Variants in IQCH observed in about 807,000 individuals in gnomAD.
IQCH encodes the protein IQ motif containing H.
IQCH carries 98 observed loss-of-function variants against 117.0 expected under a neutral mutation model. The observed-to-expected ratio is 0.84, with a 90% CI of 0.71 to 0.99. The LOEUF (loss-of-function observed/expected upper bound fraction) is 0.99, where lower values mean the gene tolerates loss of function less well. Among genes scored for constraint, IQCH ranks in the 50% least tolerant of loss-of-function variants. The pLI is 0.00. For synonymous variants in IQCH, 412 were observed against 448.2 expected (o/e 0.92, Z 1.02); for missense variants, 1,102 against 1,243.8 (o/e 0.89, Z 1.72).
chr15:67,416,936 A>T lies in IQCH; in HGVS notation c.2103A>T (p.Pro701=). The change falls in exon 15 of 21, where the codon CCA becomes CCT. Residue 701 remains proline (P), a synonymous_variant. Coordinates refer to ENST00000335894, the MANE Select transcript of IQCH (RefSeq NM_001031715.3). The surrounding 1 kb of genome is among the most constrained non-coding windows in gnomAD (Gnocchi z 5.1). Reference sequence around the variant, plus strand: ...TATTTAATTTGTTTCTGCAGGAGCCAGCTTTGGTGAAGATCTCTGAGGAGC... The same window carrying T: ...TATTTAATTTGTTTCTGCAGGAGCCTGCTTTGGTGAAGATCTCTGAGGAGC... ...EDWRKKWAQE[P]ALVKISEELA... is the part of the protein sequence containing the mutation. 6.3e-7 allele frequency: 1 copy of T among 1,591,726 alleles called. No homozygotes were observed. The highest frequency in any genetic ancestry group is 8.5e-7 in the Non-Finnish European group (1 of 1,170,038).
intron 4 of IQCH, among the ~76,000 whole-genome samples, chr15:67,316,599 G>A (rs1377295204): frequency 6.6e-6 from 1 of 152,012 alleles, no homozygotes; most frequent in African/African-American, 2.4e-5. Context: ...CATTTCTGAG[G>A]GCTTCTCTGA....
chr15:67,402,166 T>G (rs1470290211), intron 14 of IQCH, among the ~76,000 whole-genome samples: 1 of 152,220 alleles, frequency 6.6e-6, no homozygotes, highest in African/African-American at 2.4e-5. Context: ...CCAAATACAT[T>G]TGGCACTGTT....
chr15:67,423,852 TA>T (rs10560261), intron 16 of IQCH, among the ~76,000 whole-genome samples: 99,075 of 137,838 alleles, frequency 0.72, 35,801 homozygotes, highest in African/African-American at 0.77. Flanking sequence ...AGATTTCATC[TA>T]AAAAAAAAAA....
chr15:67,412,471 G>A (rs1056166721), intron 14 of IQCH, among the ~76,000 whole-genome samples: 1 of 151,946 alleles, frequency 6.6e-6, no homozygotes, highest in African/African-American at 2.4e-5. Context: ...GTGCAATGAC[G>A]CTATCTCAAT....
chr15:67,270,008 G>A (rs1405433454), intron 3 of IQCH, among the ~76,000 whole-genome samples: 1 of 152,120 alleles, frequency 6.6e-6, no homozygotes, highest in East Asian at 1.9e-4. Flanking sequence ...CCCAGTAGTG[G>A]GATGGCTGGG....
At chr15:67,415,661 A>G (rs1191790277) in intron 14 of IQCH, among the ~76,000 whole-genome samples, 1 of 152,170 alleles carries the variant, frequency 6.6e-6, no homozygotes, top group East Asian at 1.9e-4. Flanking sequence ...GAAATTGGAA[A>G]TAAGTGTGTG....
At chr15:67,269,429 G>C (rs1387941510) in intron 3 of IQCH, among the ~76,000 whole-genome samples, 1 of 152,130 alleles carries the variant, frequency 6.6e-6, no homozygotes, top group African/African-American at 2.4e-5. Flanking sequence ...AATGTGTAAA[G>C]ATCAAATCAA....
chr15:67,348,692 C>A (rs1305569186), intron 6 of IQCH, among the ~76,000 whole-genome samples: 3 of 152,094 alleles, frequency 2.0e-5, no homozygotes, highest in Admixed American at 2.0e-4. Flanking sequence ...TAATTTTCCC[C>A]AAATTGATCT....
At chr15:67,396,416 G>A (rs764418741) in intron 13 of IQCH, among the ~76,000 whole-genome samples, 10 of 152,302 alleles carry the variant, frequency 6.6e-5, no homozygotes, top group Non-Finnish European at 1.2e-4. Context: ...GTCTGTTTTC[G>A]TTTTGCCTTG....
chr15:67,425,914 T>C lies in IQCH; in HGVS notation c.2505+4337T>C, dbSNP rs531592682. Among the ~76,000 whole-genome samples the C allele has an allele frequency of 2.0e-4, 31 of 152,354 alleles. No homozygotes were observed. Among genetic ancestry groups the C allele is most frequent in the African/African-American group, 7.5e-4 (31 of 41,588 alleles). ...ATGTCAGTATGAAGTCATGGGTTTCTATTTTATTTAATGGGTTGTATTTTG... is the reference window on the plus strand; with the variant it reads ...ATGTCAGTATGAAGTCATGGGTTTCCATTTTATTTAATGGGTTGTATTTTG... On this transcript the variant is annotated intron_variant, in intron 16 of 20. Transcript: ENST00000335894. This position sits in a 1 kb window ranked among gnomAD's most constrained non-coding sequence, Gnocchi z 5.5.
rs749500985 is a variant in IQCH, at chr15:67,356,831, G to A, written c.638-514G>A. On this transcript the variant is annotated intron_variant, in intron 6 of 20. Coordinates refer to ENST00000335894, the MANE Select transcript of IQCH (RefSeq NM_001031715.3). The surrounding 1 kb of genome is among the most constrained non-coding windows in gnomAD (Gnocchi z 5.3). Reference sequence around the variant, plus strand: ...CATGGGCTAGGTGTGTTCTCTAAAAGTTGTTGCTTATAGACTTAACTAATT... The same window carrying A: ...CATGGGCTAGGTGTGTTCTCTAAAAATTGTTGCTTATAGACTTAACTAATT... 2.0e-5 allele frequency among the ~76,000 whole-genome samples: 3 copies of A among 152,138 alleles called. No homozygotes were observed. Among genetic ancestry groups the A allele is most frequent in the Non-Finnish European group, 4.4e-5 (3 of 68,036 alleles).
Position 67,384,769 on chromosome 15 carries a change from C to T in IQCH, c.1373-167C>T, listed in dbSNP as rs370430286. 1.7e-3 allele frequency among the ~76,000 whole-genome samples: 257 copies of T among 151,864 alleles called. 9 individuals carry two copies. The South Asian group carries it at 0.052, about 31-fold the overall frequency. ...CATCTTCCAGAATAATGTTTAATTC[C>T]CCCGAGAAACAAGCACCTCATTCTT... On this transcript the variant is annotated intron_variant, in intron 10 of 20. Transcript: ENST00000335894. This position sits in a 1 kb window ranked among gnomAD's most constrained non-coding sequence, Gnocchi z 4.3.
chr15:67,354,103 A>G (rs574495217), intron 6 of IQCH, among the ~76,000 whole-genome samples: 1 of 152,320 alleles, frequency 6.6e-6, no homozygotes, highest in East Asian at 1.9e-4. Context: ...AAAAGAGGAA[A>G]AGCTTATCAA....
At chr15:67,299,609 A>C (rs1199766049) in intron 4 of IQCH, among the ~76,000 whole-genome samples, 1 of 152,156 alleles carries the variant, frequency 6.6e-6, no homozygotes, top group Admixed American at 6.5e-5. Flanking sequence ...AAAAAATTTT[A>C]ATGTCAATTA....
At chr15:67,396,376 G>C (rs907965911) in intron 13 of IQCH, among the ~76,000 whole-genome samples, 3 of 152,024 alleles carry the variant, frequency 2.0e-5, no homozygotes, top group African/African-American at 7.2e-5. Flanking sequence ...AATAAAACTG[G>C]GGAAGTAAGA....
Position 67,475,759 on chromosome 15 carries a change from G to A in IQCH, c.2740G>A (p.Val914Ile), listed in dbSNP as rs759544808. Residue 914 changes from valine to isoleucine, a missense_variant, in exon 18 of 21, where the codon GTT becomes ATT. Val to Ile is a conservative substitution (Grantham distance 29, BLOSUM62 3). Transcript: ENST00000335894. This position sits in a 1 kb window ranked among gnomAD's most constrained non-coding sequence, Gnocchi z 5.7. Reference sequence around the variant, plus strand: ...GCTAAGACACAGCAATCTCTCACTGGTTTTCCACTATGTTTTTCTCCAGAT... The same window carrying A: ...GCTAAGACACAGCAATCTCTCACTGATTTTCCACTATGTTTTTCTCCAGAT... ...TQLRHSNLSLVFHYVFLQICR... is the reference protein window; with the variant it reads ...TQLRHSNLSLIFHYVFLQICR... 3 of 1,614,106 alleles carry A rather than the reference G, an allele frequency of 1.9e-6. No homozygotes were observed. The highest frequency in any genetic ancestry group is 2.5e-6 in the Non-Finnish European group (3 of 1,179,976).
rs955916275 is a variant in IQCH at position 67,425,396 on chromosome 15, G to A, written c.2505+3819G>A. Among the ~76,000 whole-genome samples, 7 of 152,102 alleles carry A rather than the reference G, an allele frequency of 4.6e-5. No homozygotes were observed. Among genetic ancestry groups the A allele is most frequent in the Admixed American group, 6.6e-5 (1 of 15,264 alleles). On this transcript the variant is annotated intron_variant, in intron 16 of 20. Coordinates refer to ENST00000335894, the MANE Select transcript of IQCH (RefSeq NM_001031715.3). This position sits in a 1 kb window ranked among gnomAD's most constrained non-coding sequence, Gnocchi z 5.5. ...TGGGTGGCCGAGGTGGGTGGATCAC[G>A]AGGTCAGGAGTTCAAGACCAGCTTG...
rs62016029 is a variant in IQCH at position 67,426,572 on chromosome 15, C to T, written c.2505+4995C>T. ...CAATAAAAAATACCAAAAAAAAACCCAACCTCATACTCATTATTTAAACTT... is the reference window on the plus strand; with the variant it reads ...CAATAAAAAATACCAAAAAAAAACCTAACCTCATACTCATTATTTAAACTT... On this transcript the variant is annotated intron_variant, in intron 16 of 20. Coordinates refer to ENST00000335894, the MANE Select transcript of IQCH (RefSeq NM_001031715.3). This position sits in a 1 kb window ranked among gnomAD's most constrained non-coding sequence, Gnocchi z 5.1. 6.6e-6 allele frequency among the ~76,000 whole-genome samples: 1 copy of T among 151,040 alleles called. No homozygotes were observed. Among genetic ancestry groups the T allele is most frequent in the Non-Finnish European group, 1.5e-5 (1 of 67,788 alleles).
At chr15:67,409,328 C>T (rs2140888663) in intron 14 of IQCH, among the ~76,000 whole-genome samples, 1 of 152,252 alleles carries the variant, frequency 6.6e-6, no homozygotes, top group Admixed American at 6.5e-5. Context: ...GCAGCGCGCA[C>T]AGGGTGAGCC....
Sources: allele counts gnomAD v4.1 joint callset (sites outside exome capture counted in the v4.1 genomes callset), GRCh38; gene constraint gnomAD v4.1.1; non-coding constraint Gnocchi (gnomAD v3.1); transcripts MANE v1.5; gene names NCBI Gene and HGNC (gene_info 2026-07-23, HGNC 2026-07-21).